Variants in MXI1 observed in about 807,000 individuals in gnomAD.
MXI1 encodes the protein max-interacting protein 1.
A neutral mutation model predicts 36.9 loss-of-function variants in MXI1; 18 were observed. The observed-to-expected ratio is 0.49, with a 90% CI of 0.34 to 0.72. The LOEUF is 0.72. MXI1 is among the 30% of genes least tolerant of loss of function. MXI1 has a pLI of 0.01. For missense variants in MXI1, 304 were observed against 379.1 expected (o/e 0.80, Z 1.64); for synonymous variants, 160 against 146.7 (o/e 1.09, Z -0.65).
chr10:110,218,442 T>G (rs1854712523), intron 1 of MXI1, among the ~76,000 whole-genome samples: 1 of 121,326 alleles, frequency 8.2e-6, no homozygotes, highest in Non-Finnish European at 1.6e-5. Context: ...AGAGTAAGAC[T>G]CCATCTCAAA....
intron 3 of MXI1, among the ~76,000 whole-genome samples, chr10:110,274,937 C>T (rs1159103611): frequency 4.8e-5 from 7 of 145,484 alleles, no homozygotes; most frequent in Non-Finnish European, 8.9e-5. Context: ...TGCACTGGCG[C>T]GATCTCTGCT....
chr10:110,268,859 T>C (rs984869974), intron 3 of MXI1, among the ~76,000 whole-genome samples: 3 of 152,176 alleles, frequency 2.0e-5, no homozygotes, highest in Non-Finnish European at 4.4e-5. Flanking sequence ...TCTATTATTA[T>C]CAGGGACTAT....
intron 5 of MXI1, among the ~76,000 whole-genome samples, chr10:110,284,094 C>A (rs115088659): frequency 0.019 from 2,925 of 151,842 alleles, 49 homozygotes; most frequent in African/African-American, 0.033. Context: ...CGTCCAGCAA[C>A]ATTATCTATT....
chr10:110,270,372 C>A (rs1856818240), intron 3 of MXI1, among the ~76,000 whole-genome samples: 1 of 151,592 alleles, frequency 6.6e-6, no homozygotes, highest in East Asian at 1.9e-4. Flanking sequence ...TGTTAAATCA[C>A]TTTGGAGTTT....
At chr10:110,234,741 A>T (rs1019511674) in intron 2 of MXI1, among the ~76,000 whole-genome samples, 4 of 152,180 alleles carry the variant, frequency 2.6e-5, no homozygotes, top group Non-Finnish European at 5.9e-5. Context: ...CAAATGAAGT[A>T]GTCTAGATAA....
intron 3 of MXI1, among the ~76,000 whole-genome samples, chr10:110,271,365 A>G (rs1340407973): frequency 3.3e-5 from 5 of 152,220 alleles, no homozygotes; most frequent in Non-Finnish European, 2.9e-5. Context: ...CACTAGAAGT[A>G]TTACATCTCT....
intron 3 of MXI1, 47 bp from the exon 4 acceptor site, chr10:110,279,133 T>C (rs1488687309): frequency 7.4e-7 from 1 of 1,352,384 alleles, no homozygotes; most frequent in Non-Finnish European, 1.1e-6. Flanking sequence ...ATGATATTTC[T>C]AGTGAAATAA....
chr10:110,265,344 C>G (rs746936286), intron 3 of MXI1, among the ~76,000 whole-genome samples: 7 of 152,156 alleles, frequency 4.6e-5, no homozygotes, highest in Non-Finnish European at 7.4e-5. Flanking sequence ...TTGTTTCAAA[C>G]TTCCTTGATT....
chr10:110,278,910 G>C lies in MXI1; in HGVS notation c.438-270G>C, dbSNP rs578019135. On this transcript the variant is annotated intron_variant, in intron 3 of 5. Coordinates refer to ENST00000332674, the MANE Select transcript of MXI1 (RefSeq NM_130439.3). ...CTTCCATATTAATACAGTTGAGACA[G>C]TTTATGGGGTGAGTTAAAAAATAAA... Among the ~76,000 whole-genome samples the C allele has an allele frequency of 2.6e-5, 4 of 152,270 alleles. No individual in the cohort carries two copies. In the South Asian group the frequency reaches 8.3e-4, roughly 32 times the overall value.
intron 1 of MXI1, among the ~76,000 whole-genome samples, chr10:110,220,371 T>TA (rs1491429517): frequency 6.6e-6 from 1 of 152,136 alleles, no homozygotes; most frequent in Non-Finnish European, 1.5e-5. Context: ...ATCAAAACAC[T>TA]ATTGCTGGAA....
At chr10:110,251,394 C>G (rs1856080761) in intron 3 of MXI1, among the ~76,000 whole-genome samples, 1 of 152,016 alleles carries the variant, frequency 6.6e-6, no homozygotes, top group African/African-American at 2.4e-5. Flanking sequence ...ATAAGATACC[C>G]TATTCTATTC....
chr10:110,222,632 T>C (rs953607608), intron 1 of MXI1, among the ~76,000 whole-genome samples: 2 of 152,154 alleles, frequency 1.3e-5, no homozygotes, highest in African/African-American at 2.4e-5. Context: ...GAGAGAGATA[T>C]ACTTTAGGGA....
At chr10:110,234,524 A>C (rs1358415520) in intron 2 of MXI1, among the ~76,000 whole-genome samples, 2 of 152,134 alleles carry the variant, frequency 1.3e-5, no homozygotes, top group Non-Finnish European at 2.9e-5. Flanking sequence ...TATTATTAAT[A>C]TACTCAGCTC....
Position 110,268,587 on chromosome 10 carries a change from T to C in MXI1, c.438-10593T>C, listed in dbSNP as rs1478005495. Among the ~76,000 whole-genome samples the C allele has an allele frequency of 2.0e-5, 3 of 152,222 alleles. No individual in the cohort carries two copies. In the East Asian group the frequency reaches 5.8e-4, roughly 29 times the overall value. On this transcript the variant is annotated intron_variant, in intron 3 of 5. Transcript: ENST00000332674. ...TAGTTCTTAAGGCATGTTCACTTTC[T>C]ATCTACCTAAAAGTGCTAATCTGTA...
intron 1 of MXI1, 108 bp from the exon 2 acceptor site, chr10:110,228,081 C>T (rs1469067403): frequency 7.8e-6 from 10 of 1,277,278 alleles, no homozygotes; most frequent in Non-Finnish European, 1.1e-5. Flanking sequence ...CATTTTACCT[C>T]TTTTCCTGCT....
chr10:110,223,586 TAAATAAATAAA>T (rs1170690540), intron 1 of MXI1, among the ~76,000 whole-genome samples: 1 of 151,678 alleles, frequency 6.6e-6, no homozygotes, highest in Non-Finnish European at 1.5e-5. Context: ...AATAAATAAA[TAAATAAATAAA>T]AAATAAATAA....
At chr10:110,225,921 G>C (rs1278534737) in intron 1 of MXI1, 8 of 780,026 alleles carry the variant, frequency 1.0e-5, no homozygotes, top group African/African-American at 5.6e-5. Flanking sequence ...CATTTCCCAG[G>C]GGGCAGAGGC....
At chr10:110,283,554 C>CT (rs34296187) in intron 5 of MXI1, among the ~76,000 whole-genome samples, 579 of 146,238 alleles carry the variant, frequency 4.0e-3, no homozygotes, top group African/African-American at 0.011. Context: ...GCTGAATCCA[C>CT]TTTTTTTTTT....
chr10:110,211,208 C>G (rs1854504217), intron 1 of MXI1, among the ~76,000 whole-genome samples: 1 of 152,096 alleles, frequency 6.6e-6, no homozygotes. Context: ...CTCCTCCTCC[C>G]CCTCCCAGCT....
Sources: allele counts gnomAD v4.1 joint callset (sites outside exome capture counted in the v4.1 genomes callset), GRCh38; gene constraint gnomAD v4.1.1; transcripts MANE v1.5; gene names NCBI Gene and HGNC (gene_info 2026-07-23, HGNC 2026-07-21).